The following CATSPERG variants were observed in gnomAD, a reference collection of about 807,000 sequenced individuals.
The protein encoded by CATSPERG is catsper channel auxiliary subunit gamma, also known as cation channel sperm-associated auxiliary subunit gamma.
A neutral mutation model predicts 145.0 loss-of-function variants in CATSPERG; 115 were observed. The observed-to-expected ratio is 0.79, with a 90% CI of 0.68 to 0.93. CATSPERG has a LOEUF of 0.93. Ranked by LOEUF, CATSPERG falls within the 40% of genes least tolerant of loss-of-function variation. The pLI is 0.00. For synonymous variants in CATSPERG, 588 were observed against 589.0 expected (o/e 1.00, Z 0.02); for missense variants, 1,296 against 1,490.1 (o/e 0.87, Z 2.14).
chr19:38,342,686 G>A (rs917369870), intron 3 of CATSPERG, among the ~76,000 whole-genome samples: 1 of 151,552 alleles, frequency 6.6e-6, no homozygotes, highest in Non-Finnish European at 1.5e-5. Flanking sequence ...GTGCACAGGT[G>A]CTGAATCTGG....
At chr19:38,346,957 T>A (rs1970051302) in intron 7 of CATSPERG, among the ~76,000 whole-genome samples, 1 of 152,148 alleles carries the variant, frequency 6.6e-6, no homozygotes, top group African/African-American at 2.4e-5. Context: ...ATGCCTATAA[T>A]CCCAGCACTT....
At chr19:38,354,993 G>A (rs527776526) in intron 9 of CATSPERG, 146 bp downstream of exon 9, 20 of 906,764 alleles carry the variant, frequency 2.2e-5, no homozygotes, top group East Asian at 5.1e-5. Flanking sequence ...GGAGGGATGC[G>A]TTTGTAGGGG....
At chr19:38,336,345 A>C in intron 1 of CATSPERG, 1 of 364,084 alleles carries the variant, frequency 2.7e-6, no homozygotes, top group Non-Finnish European at 5.7e-6. Flanking sequence ...GAGGGGCGTT[A>C]CCAGAGGGCG....
intron 6 of CATSPERG, among the ~76,000 whole-genome samples, chr19:38,344,899 A>ATTTTTTTTTTTTTTTTTTTTTTTT (rs1457655650): frequency 1.1e-5 from 1 of 93,098 alleles, no homozygotes; most frequent in Non-Finnish European, 2.1e-5. Flanking sequence ...ATATATATAT[A>ATTTTTTTTTTTTTTTTTTTTTTTT]TATTTTTTTT....
At chr19:38,348,374 TG>T (rs1970076049) in intron 7 of CATSPERG, among the ~76,000 whole-genome samples, 1 of 151,982 alleles carries the variant, frequency 6.6e-6, no homozygotes, top group Non-Finnish European at 1.5e-5. Context: ...TTGCCCAGAC[TG>T]GTCTTAAACT....
chr19:38,336,075 G>A, intron 1 of CATSPERG, 200 bp downstream of exon 1: 1 of 401,970 alleles, frequency 2.5e-6, no homozygotes, highest in South Asian at 1.7e-5. Flanking sequence ...AGGGGGAGCC[G>A]AACGTGAAGG....
At position 38,337,368 on chromosome 19, in the gene CATSPERG, C is replaced by T; in HGVS notation, c.134C>T (p.Thr45Ile). The part of the protein sequence containing the change: ...LWAIKDFQEC[T>I]WQVVLNEFKR... The stretch of plus-strand genomic sequence containing the variant: ...GCGATCAAGGATTTCCAGGAATGCA[C>T]CTGGCAGGTTGTCCTGAACGAGTTT... The change falls in exon 2 of 29, where the codon ACC becomes ATC. Residue 45 changes from threonine to isoleucine, a missense_variant. Physicochemically the swap from Thr to Ile is moderately conservative, Grantham distance 89. Transcript: ENST00000409235. 1.3e-6 allele frequency: 2 copies of T among 1,551,668 alleles called. No individual in the cohort carries two copies. Among genetic ancestry groups the T allele is most frequent in the South Asian group, 2.4e-5 (2 of 84,050 alleles).
intron 9 of CATSPERG, among the ~76,000 whole-genome samples, chr19:38,355,350 C>A (rs1384183692): frequency 7.1e-6 from 1 of 141,030 alleles, no homozygotes; most frequent in Non-Finnish European, 1.5e-5. Context: ...GTCTCAAAAA[C>A]GAACAAACAA....
At chr19:38,353,805 A>C (rs1304562430) in intron 8 of CATSPERG, among the ~76,000 whole-genome samples, 5 of 150,826 alleles carry the variant, frequency 3.3e-5, no homozygotes, top group Non-Finnish European at 7.4e-5. Flanking sequence ...CAGCCTGGCC[A>C]ATATGGTGAA....
At chr19:38,367,842 G>A in intron 25 of CATSPERG, 66 bp downstream of exon 25, 1 of 1,478,522 alleles carries the variant, frequency 6.8e-7, no homozygotes, top group African/African-American at 1.4e-5. Context: ...CCACTTCCAA[G>A]CCAAGCCCAC....
At chr19:38,358,852 T>C (rs1022625513) in intron 13 of CATSPERG, among the ~76,000 whole-genome samples, 5 of 151,244 alleles carry the variant, frequency 3.3e-5, no homozygotes, top group Non-Finnish European at 5.9e-5. Flanking sequence ...TTTTTTTTTG[T>C]TTTTGTTTTT....
intron 1 of CATSPERG, 52 bp from the exon 2 acceptor site, chr19:38,337,169 T>C: frequency 2.0e-6 from 3 of 1,530,742 alleles, no homozygotes; most frequent in South Asian, 1.2e-5. Flanking sequence ...ATCTTAAAAG[T>C]GGGCTCCAGA....
intron 3 of CATSPERG, among the ~76,000 whole-genome samples, chr19:38,342,127 G>A (rs138744388): frequency 8.7e-4 from 129 of 148,434 alleles, no homozygotes; most frequent in Non-Finnish European, 1.6e-3. Flanking sequence ...TGTAATCCTA[G>A]CATTTTAGGA....
chr19:38,369,729 A>C, intron 26 of CATSPERG: 2 of 561,538 alleles, frequency 3.6e-6, no homozygotes, highest in South Asian at 3.9e-5. Flanking sequence ...GGATGGATGC[A>C]CAGTGACAGA....
intron 8 of CATSPERG, among the ~76,000 whole-genome samples, chr19:38,354,185 G>A (rs1375612246): frequency 6.6e-6 from 1 of 152,110 alleles, no homozygotes; most frequent in Admixed American, 6.6e-5. Flanking sequence ...TTGACAGTGG[G>A]AGGAACCAAA....
intron 5 of CATSPERG, 74 bp downstream of exon 5, chr19:38,344,193 G>GT: frequency 6.5e-7 from 1 of 1,544,274 alleles, no homozygotes; most frequent in South Asian, 1.2e-5. Flanking sequence ...AGAGGAGCCA[G>GT]TGGGAGATCC....
chr19:38,366,951 C>T (rs982634565), intron 22 of CATSPERG: 3 of 565,608 alleles, frequency 5.3e-6, no homozygotes, highest in Non-Finnish European at 6.2e-6. Flanking sequence ...GCCTCGGCCT[C>T]CCGAAGTTCT....
chr19:38,356,899 C>A (rs1970253736), intron 11 of CATSPERG, 38 bp downstream of exon 11: 3 of 1,609,446 alleles, frequency 1.9e-6, no homozygotes, highest in Admixed American at 3.3e-5. Context: ...CACAAAGGGG[C>A]AGGATCCCAG....
rs928365891 is a variant in CATSPERG, at chr19:38,351,424, T to C, written c.826-837T>C. Among the ~76,000 whole-genome samples, 3 of 151,958 alleles carry C rather than the reference T, an allele frequency of 2.0e-5. No homozygotes were observed. The East Asian group carries it at 5.8e-4, about 29-fold the overall frequency. On this transcript the variant is annotated intron_variant, in intron 7 of 28. Transcript: ENST00000409235. ...GAGATCGAGACCATCCTGGCTAACA[T>C]GGTGAAACCCTGTCTCTACTAAAAA...
Sources: gnomAD v4.1 joint callset for allele counts (sites outside exome capture counted in the v4.1 genomes callset) on GRCh38, gnomAD v4.1.1 for gene constraint, MANE v1.5 for transcripts, NCBI Gene and HGNC (gene_info 2026-07-23, HGNC 2026-07-21) for gene names.